KIF6: variants seen among roughly 807,000 people sequenced by gnomAD.
KIF6 encodes kinesin-like protein KIF6.
A neutral mutation model predicts 112.7 loss-of-function variants in KIF6; 106 were observed. The observed-to-expected ratio is 0.94, with a 90% CI of 0.80 to 1.11. The LOEUF (loss-of-function observed/expected upper bound fraction) is 1.11, where lower values mean the gene tolerates loss of function less well. Ranked by LOEUF, KIF6 falls within the 50% of genes least tolerant of loss-of-function variation. The pLI is 0.00. For synonymous variants in KIF6, 339 were observed against 339.9 expected (o/e 1.00, Z 0.03); for missense variants, 929 against 964.0 (o/e 0.96, Z 0.48).
Position 39,639,801 on chromosome 6 carries a change from C to G in KIF6, c.252-44G>C, listed in dbSNP as rs778109965. Reference sequence around the variant, plus strand: ...ACACTTTCAATATCAACATGGCTAACTGCATATGAATTAAATGGCTTGTAT... The same window carrying G: ...ACACTTTCAATATCAACATGGCTAAGTGCATATGAATTAAATGGCTTGTAT... On this transcript the variant is annotated intron_variant, in intron 3 of 22. Transcript: ENST00000287152. The G allele has an allele frequency of 1.1e-5, 17 of 1,558,090 alleles. No individual in the cohort carries two copies. The African/African-American group carries it at 1.8e-4, about 16-fold the overall frequency.
chr6:39,710,053 G>C (rs1789448052), intron 3 of KIF6, among the ~76,000 whole-genome samples: 1 of 152,122 alleles, frequency 6.6e-6, no homozygotes, highest in Non-Finnish European at 1.5e-5. Context: ...TGAAAAAAGT[G>C]ATTCCCTCCC....
chr6:39,666,057 TGGAATGTCATCAGCTGGAA>T (rs1184960565), intron 3 of KIF6, among the ~76,000 whole-genome samples: 1 of 152,236 alleles, frequency 6.6e-6, no homozygotes, highest in Non-Finnish European at 1.5e-5. Flanking sequence ...CATTAAAATC[TGGAATGTCATCAGCTGGAA>T]GGAATGTCAT....
chr6:39,519,180 G>C (rs978938983), intron 13 of KIF6, among the ~76,000 whole-genome samples: 1 of 152,116 alleles, frequency 6.6e-6, no homozygotes, highest in Admixed American at 6.5e-5. Context: ...ATTTCGGCTT[G>C]TCAGCTTGAG....
chr6:39,486,957 C>G (rs1775149056), intron 13 of KIF6, among the ~76,000 whole-genome samples: 2 of 152,208 alleles, frequency 1.3e-5, no homozygotes, highest in South Asian at 4.1e-4. Flanking sequence ...AAGACTAAAA[C>G]AGAGCCATAA....
At chr6:39,714,803 A>C (rs747737692) in intron 2 of KIF6, 37 bp from the exon 3 acceptor site, 14 of 1,240,426 alleles carry the variant, frequency 1.1e-5, no homozygotes, top group Non-Finnish European at 1.7e-5. Flanking sequence ...TAAAAGCTGC[A>C]CCTCCAAACA....
At chr6:39,446,099 C>T (rs1379721807) in intron 13 of KIF6, among the ~76,000 whole-genome samples, 1 of 152,166 alleles carries the variant, frequency 6.6e-6, no homozygotes, top group Non-Finnish European at 1.5e-5. Context: ...GGAGATAGGA[C>T]TTGGAGGCAG....
intron 13 of KIF6, among the ~76,000 whole-genome samples, chr6:39,480,137 G>A (rs1398960334): frequency 1.3e-5 from 2 of 152,148 alleles, no homozygotes; most frequent in African/African-American, 4.8e-5. Flanking sequence ...CCAGTTCTCA[G>A]AGGGAGTGCT....
intron 3 of KIF6, among the ~76,000 whole-genome samples, chr6:39,669,357 TA>T (rs1786670124): frequency 6.6e-6 from 1 of 152,172 alleles, no homozygotes. Flanking sequence ...TAATGTTAAA[TA>T]ATTTTCTGTG....
At chr6:39,539,916 C>A in intron 13 of KIF6, 87 bp downstream of exon 13, 1 of 926,056 alleles carries the variant, frequency 1.1e-6, no homozygotes, top group Non-Finnish European at 1.6e-6. Flanking sequence ...GAAATTGAGC[C>A]TTCATCCTGA....
At chr6:39,546,489 A>C (rs956377294) in intron 10 of KIF6, among the ~76,000 whole-genome samples, 3 of 152,202 alleles carry the variant, frequency 2.0e-5, no homozygotes, top group Non-Finnish European at 4.4e-5. Context: ...AATAGAAAAC[A>C]AAACACCTCC....
chr6:39,522,032 A>C (rs1339088313), intron 13 of KIF6, among the ~76,000 whole-genome samples: 1 of 151,890 alleles, frequency 6.6e-6, no homozygotes, highest in Non-Finnish European at 1.5e-5. Flanking sequence ...GCTCTCTGGA[A>C]CCCTCATTCC....
chr6:39,672,541 A>G (rs1347099085), intron 3 of KIF6, among the ~76,000 whole-genome samples: 1 of 152,226 alleles, frequency 6.6e-6, no homozygotes, highest in Non-Finnish European at 1.5e-5. Context: ...TAAGCAGTAT[A>G]TTAGTCAGCT....
At chr6:39,336,939 CTTTT>C (rs1247706021) in intron 22 of KIF6, among the ~76,000 whole-genome samples, 1 of 126,734 alleles carries the variant, frequency 7.9e-6, no homozygotes, top group African/African-American at 4.2e-5. Flanking sequence ...TTCTTTCTTT[CTTTT>C]TCTTTCTCTT....
At chr6:39,680,869 T>A (rs1787470658) in intron 3 of KIF6, among the ~76,000 whole-genome samples, 2 of 152,180 alleles carry the variant, frequency 1.3e-5, no homozygotes, top group African/African-American at 4.8e-5. Context: ...GAAGAAGGAC[T>A]GCAGGTGGGG....
chr6:39,476,184 T>C (rs1390860190), intron 13 of KIF6, among the ~76,000 whole-genome samples: 3 of 150,856 alleles, frequency 2.0e-5, no homozygotes, highest in Non-Finnish European at 2.9e-5. Flanking sequence ...ATCCTGCACA[T>C]GTATCCCAGA....
chr6:39,389,989 C>G (rs2150321305), intron 15 of KIF6, among the ~76,000 whole-genome samples: 1 of 147,968 alleles, frequency 6.8e-6, no homozygotes, highest in African/African-American at 2.5e-5. Context: ...CAAGATCGCG[C>G]CGCTGCACTC....
At chr6:39,621,404 T>C (rs2150735902) in intron 5 of KIF6, among the ~76,000 whole-genome samples, 1 of 152,332 alleles carries the variant, frequency 6.6e-6, no homozygotes, top group South Asian at 2.1e-4. Flanking sequence ...CTCTGTGGAA[T>C]GGACAAACCT....
chr6:39,457,408 A>G (rs1171260501), intron 13 of KIF6, among the ~76,000 whole-genome samples: 4 of 145,614 alleles, frequency 2.7e-5, no homozygotes, highest in Non-Finnish European at 4.6e-5. Context: ...AATGCCCACA[A>G]GAGAAAGCAG....
chr6:39,506,908 G>T (rs1393782419), intron 13 of KIF6, among the ~76,000 whole-genome samples: 2 of 152,102 alleles, frequency 1.3e-5, no homozygotes, highest in East Asian at 3.9e-4. Flanking sequence ...GTGCTGGGAG[G>T]GCAGTGTGCA....
Sources: allele counts gnomAD v4.1 joint callset (sites outside exome capture counted in the v4.1 genomes callset), GRCh38; gene constraint gnomAD v4.1.1; transcripts MANE v1.5; gene names NCBI Gene and HGNC (gene_info 2026-07-23, HGNC 2026-07-21).